Variants in DYSF observed in about 807,000 individuals in gnomAD.
DYSF encodes dysferlin, also known as dystrophy-associated fer-1-like 1.
DYSF carries 212 observed loss-of-function variants against 274.9 expected under a neutral mutation model. The ratio of observed to expected loss-of-function variants is 0.77; its 90% CI spans 0.69 to 0.86. The LOEUF is 0.86. DYSF is among the 40% of genes least tolerant of loss of function. The pLI, the probability that DYSF is intolerant of heterozygous loss-of-function variation, is 0.00. For synonymous variants in DYSF, 1,091 were observed against 1,078.7 expected (o/e 1.01, Z -0.22); for missense variants, 2,666 against 2,783.2 (o/e 0.96, Z 0.95).
intron 24 of DYSF, among the ~76,000 whole-genome samples, chr2:71,566,420 A>C (rs1460454255): frequency 1.3e-5 from 2 of 149,148 alleles, no homozygotes; most frequent in African/African-American, 4.9e-5. Flanking sequence ...TGAGTTTATG[A>C]GCCCCGCCAG....
intron 40 of DYSF, among the ~76,000 whole-genome samples, chr2:71,618,557 GGAGT>G (rs1558640958): frequency 7.0e-6 from 1 of 142,192 alleles, no homozygotes; most frequent in African/African-American, 2.6e-5. Flanking sequence ...TGGTAGAGGT[GGAGT>G]GTGTGTTTGT....
At position 71,669,249 on chromosome 2, in the gene DYSF, C is replaced by T. The variant is rs770687882; in HGVS notation, c.5642+42C>T. The T allele has an allele frequency of 8.1e-6, 12 of 1,488,500 alleles. No homozygotes were observed. In the South Asian group the frequency reaches 1.4e-4, roughly 18 times the overall value. 92.2% of individuals were successfully genotyped at this position (1,488,500 alleles called of 1,614,324 possible). Reference sequence around the variant, plus strand: ...CTCTTGCCTGTCCAGCTTCCCGCAGCTCCCGTGCTCCCTCTGGGTTGTGCA... The same window carrying T: ...CTCTTGCCTGTCCAGCTTCCCGCAGTTCCCGTGCTCCCTCTGGGTTGTGCA... On this transcript the variant is annotated intron_variant, in intron 50 of 55. Coordinates refer to ENST00000410020, the MANE Select transcript of DYSF (RefSeq NM_001130987.2).
intron 43 of DYSF, among the ~76,000 whole-genome samples, chr2:71,656,847 C>T (rs1427751541): frequency 1.3e-5 from 2 of 152,182 alleles, no homozygotes; most frequent in East Asian, 1.9e-4. Context: ...CCTCCCCCAA[C>T]ACGTGGGAAT....
At chr2:71,601,558 A>C (rs777997557) in intron 35 of DYSF, 30 bp downstream of exon 35, 39 of 1,613,962 alleles carry the variant, frequency 2.4e-5, no homozygotes, top group Non-Finnish European at 3.2e-5. Context: ...TTCCTTCTTC[A>C]AACTGATTGC....
chr2:71,541,322 T>G (rs1312238917), intron 17 of DYSF, among the ~76,000 whole-genome samples: 1 of 152,184 alleles, frequency 6.6e-6, no homozygotes, highest in Non-Finnish European at 1.5e-5. Flanking sequence ...CTGTGATGAT[T>G]GTTATTTTTA....
At chr2:71,538,062 C>T (rs996020720) in intron 16 of DYSF, among the ~76,000 whole-genome samples, 5 of 152,242 alleles carry the variant, frequency 3.3e-5, no homozygotes, top group East Asian at 1.9e-4. Flanking sequence ...CTGGTCTCCA[C>T]GTCAGCATAT....
chr2:71,542,658 C>T (rs1052179351), intron 17 of DYSF, among the ~76,000 whole-genome samples: 7 of 152,114 alleles, frequency 4.6e-5, no homozygotes, highest in African/African-American at 1.7e-4. Flanking sequence ...TGAGTGGACA[C>T]AGCACATGTT....
intron 40 of DYSF, among the ~76,000 whole-genome samples, chr2:71,616,591 C>G (rs1185611346): frequency 6.6e-6 from 1 of 152,108 alleles, no homozygotes; most frequent in Non-Finnish European, 1.5e-5. Context: ...TGACTTTGAA[C>G]TTTCTGAGGG....
At chr2:71,661,193 T>C (rs1573025086) in intron 45 of DYSF, among the ~76,000 whole-genome samples, 1 of 151,710 alleles carries the variant, frequency 6.6e-6, no homozygotes, top group African/African-American at 2.4e-5. Context: ...GCTAATTCTT[T>C]TTTTTTTTTA....
chr2:71,638,775 T>C (rs532422021), intron 41 of DYSF, among the ~76,000 whole-genome samples: 16 of 152,332 alleles, frequency 1.1e-4, no homozygotes, highest in African/African-American at 3.8e-4. Flanking sequence ...CTGTTATGAA[T>C]AATGCTGCTT....
intron 32 of DYSF, among the ~76,000 whole-genome samples, chr2:71,593,125 C>CTTTTTTT (rs35900869): frequency 4.7e-5 from 4 of 85,560 alleles, no homozygotes; most frequent in Non-Finnish European, 6.7e-5. Flanking sequence ...TCAGTGACTT[C>CTTTTTTT]TTTTTTTTTT....
chr2:71,617,125 C>G (rs545044719), intron 40 of DYSF, among the ~76,000 whole-genome samples: 17 of 152,136 alleles, frequency 1.1e-4, no homozygotes, highest in Non-Finnish European at 2.2e-4. Context: ...AAGGGCGGCT[C>G]TTGCTTAGCA....
In DYSF at chr2:71,664,332, G is replaced by C; in HGVS notation, c.5068G>C (p.Asp1690His). Reference sequence around the variant, plus strand: ...CCTAAAGATCACTCTCTATGACTATGACCTCCTCTCCAAGGACGAAAAGAT... The same window carrying C: ...CCTAAAGATCACTCTCTATGACTATCACCTCCTCTCCAAGGACGAAAAGAT... Reference protein sequence around the residue: ...KDLKITLYDYDLLSKDEKIGE... With the variant: ...KDLKITLYDYHLLSKDEKIGE... Residue 1690 changes from aspartate to histidine, a missense_variant, in exon 46 of 56, where the codon GAC (aspartate) becomes CAC (histidine). Coordinates refer to ENST00000410020, the MANE Select transcript of DYSF (RefSeq NM_001130987.2). 1.2e-6 allele frequency: 2 copies of C among 1,614,196 alleles called. No individual in the cohort carries two copies. The highest frequency in any genetic ancestry group is 4.5e-5 in the East Asian group (2 of 44,876).
intron 14 of DYSF, among the ~76,000 whole-genome samples, chr2:71,529,295 C>T (rs1012592266): frequency 6.6e-6 from 1 of 152,220 alleles, no homozygotes; most frequent in Admixed American, 6.5e-5. Flanking sequence ...CCTCGTGCCC[C>T]CACAGCCACT....
rs138268837 is a variant in DYSF at position 71,612,672 on chromosome 2, C to G, written c.4253C>G (p.Pro1418Arg). The change falls in exon 39 of 56, where the codon CCC (proline) becomes CGC (arginine). Residue 1418 changes from proline (P) to arginine (R), a missense_variant. Physicochemically the swap from Pro to Arg is moderately radical, Grantham distance 103. Transcript: ENST00000410020. The part of the protein sequence containing the change: ...MLPREELYCP[P>R]ITVKVIDNRQ... ...CCCAGGGAGGAGCTCTACTGCCCCC[C>G]CATCACCGTCAAGGTCATCGATAAC... is the stretch of plus-strand genomic sequence containing the variant. 3.8e-4 allele frequency: 610 copies of G among 1,614,178 alleles called. 1 individual carries two copies. Among genetic ancestry groups the G allele is most frequent in the Non-Finnish European group, 2.4e-4 (285 of 1,180,016 alleles).
At chr2:71,625,830 C>T (rs2094198262) in intron 41 of DYSF, among the ~76,000 whole-genome samples, 1 of 151,926 alleles carries the variant, frequency 6.6e-6, no homozygotes, top group African/African-American at 2.4e-5. Flanking sequence ...TAATTTAATG[C>T]ATTTTTATAA....
At chr2:71,520,514 C>A (rs1254303262) in intron 11 of DYSF, among the ~76,000 whole-genome samples, 1 of 152,180 alleles carries the variant, frequency 6.6e-6, no homozygotes, top group Non-Finnish European at 1.5e-5. Flanking sequence ...TTCTCCTCAC[C>A]CTGGTTTCCA....
intron 16 of DYSF, among the ~76,000 whole-genome samples, chr2:71,537,218 G>GTTTTTTTTTTTTTTTTTTTTTTTTTTT (rs751063098): frequency 2.1e-5 from 1 of 47,704 alleles, no homozygotes; most frequent in African/African-American, 6.3e-5. Context: ...TTACTTTCTA[G>GTTTTTTTTTTTTTTTTTTTTTTTTTTT]TTTTGTTTTT....
At chr2:71,486,268 T>A (rs988793381) in intron 3 of DYSF, among the ~76,000 whole-genome samples, 1 of 151,770 alleles carries the variant, frequency 6.6e-6, no homozygotes, top group African/African-American at 2.4e-5. Flanking sequence ...TCAGTCCCCC[T>A]CCACCTTGCC....
Sources: gnomAD v4.1 joint callset for allele counts (sites outside exome capture counted in the v4.1 genomes callset) on GRCh38, gnomAD v4.1.1 for gene constraint, MANE v1.5 for transcripts, NCBI Gene and HGNC (gene_info 2026-07-23, HGNC 2026-07-21) for gene names.